Variants in FCRL5 observed in about 807,000 individuals in gnomAD.
FCRL5 encodes the protein Fc receptor-like protein 5.
FCRL5 carries 79 observed loss-of-function variants against 92.1 expected under a neutral mutation model. The observed-to-expected ratio is 0.86, with a 90% confidence interval of 0.72 to 1.03. The LOEUF (loss-of-function observed/expected upper bound fraction) is 1.03. FCRL5 is among the 50% of genes least tolerant of loss of function. FCRL5 has a pLI of 0.00. For missense variants in FCRL5, 1,160 were observed against 1,181.1 expected, an observed-to-expected ratio of 0.98 and a Z score of 0.26; for synonymous variants, 466 against 469.3, an observed-to-expected ratio of 0.99 and a Z score of 0.09.
chr1:157,518,645 G>C, intron 14 of FCRL5, 55 bp downstream of exon 14: 1 of 1,540,848 alleles, frequency 6.5e-7, no homozygotes. Flanking sequence ...CTGCCCCACC[G>C]CTTTCCCACA....
At chr1:157,523,444 A>G (rs886645989) in intron 10 of FCRL5, among the ~76,000 whole-genome samples, 2 of 152,246 alleles carry the variant, frequency 1.3e-5, no homozygotes, top group Non-Finnish European at 2.9e-5. Flanking sequence ...AATTGAGGTC[A>G]GTATGGGAAG....
chr1:157,515,305 C>A lies in FCRL5; in HGVS notation c.*370G>T, dbSNP rs139442715. 1.1e-4 allele frequency: 36 copies of A among 314,942 alleles called. No individual in the cohort carries two copies. In the East Asian group the frequency reaches 2.6e-3, roughly 23 times the overall value. 19.5% of individuals were successfully genotyped at this position (314,942 alleles called of 1,614,324 possible). ...GAGCACCTGAGCTGTTAGGCCAGCC[C>A]GGCATCTCCTGAAGGCCCACTCTCC... On this transcript the variant is annotated 3_prime_UTR_variant, in exon 17 of 17. Transcript: ENST00000361835.
At chr1:157,517,486 T>C (rs765197508) in intron 15 of FCRL5, among the ~76,000 whole-genome samples, 1 of 152,110 alleles carries the variant, frequency 6.6e-6, no homozygotes, top group Non-Finnish European at 1.5e-5. Flanking sequence ...ACTCATATGA[T>C]TCTCTAAAAC....
Position 157,521,047 on chromosome 1 carries a change from G to C in FCRL5, c.2485C>G (p.Arg829Gly). The C allele has an allele frequency of 6.2e-7, 1 of 1,613,122 alleles. No homozygotes were observed. Among genetic ancestry groups the C allele is most frequent in the Non-Finnish European group, 8.5e-7 (1 of 1,179,624 alleles). The change falls in exon 11 of 17, where the codon CGC becomes GGC. Residue 829 changes from arginine to glycine, a missense_variant. Coordinates refer to ENST00000361835, the MANE Select transcript of FCRL5 (RefSeq NM_031281.3). ...CEADNGLGAQRSETVTLYITG... is the reference protein window; with the variant it reads ...CEADNGLGAQGSETVTLYITG... Reference sequence around the variant, plus strand: ...ATATAAAGTGTCACTGTCTCACTGCGCTGGGCCCCGAGGCCATTGTCGGCC... The same window carrying C: ...ATATAAAGTGTCACTGTCTCACTGCCCTGGGCCCCGAGGCCATTGTCGGCC...
At chr1:157,516,776 A>G (rs983604084) in intron 15 of FCRL5, among the ~76,000 whole-genome samples, 2 of 152,242 alleles carry the variant, frequency 1.3e-5, no homozygotes, top group East Asian at 1.9e-4. Flanking sequence ...CTGGAATTGC[A>G]TGAAGAAGCA....
rs1361693709 is a variant in FCRL5 at position 157,539,080 on chromosome 1, G to A, written c.1402+6C>T. On this transcript the variant is annotated splice_donor_region_variant and intron_variant, in intron 7 of 16. Transcript: ENST00000361835. ...GGTGGGTGATTGGCAGGAACCCAGG[G>A]CTTACCAGTGACGGAGAGGCTCACC... 1 of 1,611,506 alleles carries A rather than the reference G, an allele frequency of 6.2e-7. No homozygotes were observed. The highest frequency in any genetic ancestry group is 2.2e-5 in the East Asian group (1 of 44,882).
chr1:157,534,955 G>A (rs1650899374), intron 7 of FCRL5, 63 bp from the exon 8 acceptor site: 1 of 1,466,762 alleles, frequency 6.8e-7, no homozygotes, highest in African/African-American at 1.4e-5. Flanking sequence ...TTCAACACTT[G>A]GCCAGTGCAG....
chr1:157,549,614 A>G (rs1651721814), intron 1 of FCRL5, 34 bp from the exon 2 acceptor site: 1 of 1,600,388 alleles, frequency 6.2e-7, no homozygotes, highest in Admixed American at 1.8e-5. Context: ...ATGAGCACAG[A>G]ACCATGATTA....
rs573029542 is a variant in FCRL5, at chr1:157,521,394, G to A, written c.2240-102C>T. ...TGTAAAAAGTCATATCTCAATCTTGGAAAGTAGATTAAAACATAGATGATA... is the reference window on the plus strand; with the variant it reads ...TGTAAAAAGTCATATCTCAATCTTGAAAAGTAGATTAAAACATAGATGATA... On this transcript the variant is annotated intron_variant, in intron 10 of 16. Transcript: ENST00000361835. 9.6e-6 allele frequency: 13 copies of A among 1,348,612 alleles called. No homozygotes were observed. In the Admixed American group the frequency reaches 2.9e-4, roughly 30 times the overall value. The allele number at this position is 1,348,612 out of a possible 1,614,324, so 83.5% of individuals were successfully genotyped here. A position where few individuals can be genotyped will look rare whatever the true frequency, so the allele number is the denominator to read the frequency against.
intron 7 of FCRL5, among the ~76,000 whole-genome samples, chr1:157,537,139 A>G (rs569341224): frequency 2.6e-5 from 4 of 152,254 alleles, no homozygotes; most frequent in Non-Finnish European, 5.9e-5. Flanking sequence ...TTCAGGGAAC[A>G]AGGGAGATAA....
At chr1:157,535,943 G>GTTTTTTTTTTTTT (rs60191062) in intron 7 of FCRL5, among the ~76,000 whole-genome samples, 3,161 of 89,760 alleles carry the variant, frequency 0.035, 440 homozygotes, top group East Asian at 0.043. Context: ...ATGTGACTCA[G>GTTTTTTTTTTTTT]TTTTTTTTTT....
intron 9 of FCRL5, among the ~76,000 whole-genome samples, chr1:157,525,863 G>A (rs1406209953): frequency 6.6e-6 from 1 of 152,212 alleles, no homozygotes; most frequent in Non-Finnish European, 1.5e-5. Context: ...GGGAATGTCA[G>A]CAGTTCAGTT....
At chr1:157,520,280 C>G (rs571156383) in intron 12 of FCRL5, 151 bp downstream of exon 12, 1 of 626,928 alleles carries the variant, frequency 1.6e-6, no homozygotes, top group African/African-American at 1.8e-5. Flanking sequence ...AAAAGCAATT[C>G]GGGAGGACCC....
intron 15 of FCRL5, 106 bp from the exon 16 acceptor site, chr1:157,515,979 T>C: frequency 8.1e-7 from 1 of 1,237,018 alleles, no homozygotes; most frequent in Non-Finnish European, 1.2e-6. Context: ...CCGCTCTCCC[T>C]CTGTGCGGTG....
chr1:157,520,982 T>G (rs1425909058), intron 11 of FCRL5, 35 bp downstream of exon 11: 2 of 1,567,176 alleles, frequency 1.3e-6, no homozygotes, highest in Non-Finnish European at 1.7e-6. Context: ...GGAAACATTT[T>G]GTCCGCATCT....
chr1:157,524,049 T>A (rs1390533438), intron 10 of FCRL5: 4 of 499,984 alleles, frequency 8.0e-6, no homozygotes, highest in Non-Finnish European at 1.4e-5. Flanking sequence ...TTTGCATTTT[T>A]AGTGAGGTGC....
chr1:157,524,138 G>A, intron 10 of FCRL5, 141 bp downstream of exon 10: 1 of 762,282 alleles, frequency 1.3e-6, no homozygotes, highest in South Asian at 2.0e-5. Context: ...ACTTTCACAG[G>A]GAGGTTCTGC....
At chr1:157,516,808 C>G (rs918476067) in intron 15 of FCRL5, among the ~76,000 whole-genome samples, 1 of 152,194 alleles carries the variant, frequency 6.6e-6, no homozygotes, top group Non-Finnish European at 1.5e-5. Context: ...AGAGTTTGGA[C>G]TCTGGAGAAG....
At chr1:157,522,545 G>T (rs1650246454) in intron 10 of FCRL5, 1 of 152,170 alleles carries the variant, frequency 6.6e-6, no homozygotes, top group African/African-American at 2.4e-5. Flanking sequence ...ATGAGATGTT[G>T]CCTATTAAAC....
Sources: allele counts gnomAD v4.1 joint callset (sites outside exome capture counted in the v4.1 genomes callset), GRCh38; gene constraint gnomAD v4.1.1; transcripts MANE v1.5; gene names NCBI Gene and HGNC (gene_info 2026-07-23, HGNC 2026-07-21).